The following ATRNL1 variants were observed in gnomAD, a reference collection of about 807,000 sequenced individuals.
ATRNL1 encodes attractin-like protein 1.
In ATRNL1, 95 loss-of-function variants were observed where a neutral mutation model predicts 182.7. That is an observed-to-expected ratio of 0.52 (90% CI 0.44 to 0.62). The LOEUF is 0.62. Among genes scored for constraint, ATRNL1 ranks in the 20% least tolerant of loss-of-function variants. ATRNL1 has a pLI of 0.00. For synonymous variants in ATRNL1, 576 were observed against 568.3 expected, an observed-to-expected ratio of 1.01 and a Z score of -0.19; for missense variants, 1,471 against 1,679.5, an observed-to-expected ratio of 0.88 and a Z score of 2.17.
chr10:115,787,916 A>G (rs554758475), intron 27 of ATRNL1, among the ~76,000 whole-genome samples: 1 of 152,334 alleles, frequency 6.6e-6, no homozygotes, highest in East Asian at 1.9e-4. Flanking sequence ...AAAAGGCAAT[A>G]TGATAGTAGA....
Position 115,790,970 on chromosome 10 carries a change from A to G in ATRNL1, c.3904-56907A>G, listed in dbSNP as rs528804414. Among the ~76,000 whole-genome samples the G allele has an allele frequency of 5.3e-5, 8 of 152,376 alleles. No homozygotes were observed. The South Asian group carries it at 1.7e-3, about 32-fold the overall frequency. On this transcript the variant is annotated intron_variant, in intron 27 of 28. Coordinates refer to ENST00000355044, the MANE Select transcript of ATRNL1 (RefSeq NM_207303.4). ...CTATATGATTTATGTGAGATAACCC[A>G]GAAGAGTCAGAGACATAAATAAAAA...
At chr10:115,361,367 G>C (rs572355240) in intron 19 of ATRNL1, among the ~76,000 whole-genome samples, 1 of 151,622 alleles carries the variant, frequency 6.6e-6, no homozygotes, top group Non-Finnish European at 1.5e-5. Flanking sequence ...TTATAGTTTC[G>C]GCATTTATCT....
intron 21 of ATRNL1, among the ~76,000 whole-genome samples, chr10:115,427,208 C>G (rs1845944366): frequency 6.6e-6 from 1 of 152,154 alleles, no homozygotes; most frequent in Non-Finnish European, 1.5e-5. Context: ...TTAATTTGCA[C>G]TTTCCTAATT....
At chr10:115,402,989 T>G (rs1428939807) in intron 20 of ATRNL1, among the ~76,000 whole-genome samples, 1 of 152,172 alleles carries the variant, frequency 6.6e-6, no homozygotes, top group African/African-American at 2.4e-5. Flanking sequence ...AGGAGGATCT[T>G]CCTGAACATT....
At chr10:115,740,834 A>G (rs1189570329) in intron 27 of ATRNL1, among the ~76,000 whole-genome samples, 1 of 15,700 alleles carries the variant, frequency 6.4e-5, no homozygotes, top group Non-Finnish European at 1.7e-3. Context: ...ACACACACAC[A>G]CACACACACA....
At position 115,944,916 on chromosome 10, in the gene ATRNL1, A is replaced by G. The variant is rs1448161152; in HGVS notation, c.*137A>G. The G allele has an allele frequency of 3.8e-6, 4 of 1,045,778 alleles. No individual in the cohort carries two copies. The highest frequency in any genetic ancestry group is 2.9e-5 in the Admixed American group (1 of 34,284). The allele number at this position is 1,045,778 out of a possible 1,614,324, so 64.8% of individuals were successfully genotyped here. On this transcript the variant is annotated 3_prime_UTR_variant, in exon 29 of 29. Coordinates refer to ENST00000355044, the MANE Select transcript of ATRNL1 (RefSeq NM_207303.4). ...GAGTACAGTTTCCTTCCAAATGGAC[A>G]ATGACCCAGGTGGCCAAAGAATGTT...
At chr10:115,736,659 C>G (rs568861776) in intron 27 of ATRNL1, among the ~76,000 whole-genome samples, 1 of 152,242 alleles carries the variant, frequency 6.6e-6, no homozygotes, top group South Asian at 2.1e-4. Flanking sequence ...TGCTTTCCTG[C>G]ATAGAGGATT....
chr10:115,897,869 C>T (rs1487072422), intron 28 of ATRNL1, among the ~76,000 whole-genome samples: 1 of 151,850 alleles, frequency 6.6e-6, no homozygotes, highest in Admixed American at 6.6e-5. Context: ...TCATGTTAGT[C>T]GTAACTTGCA....
intron 27 of ATRNL1, among the ~76,000 whole-genome samples, chr10:115,804,194 G>T (rs1555085112): frequency 6.6e-6 from 1 of 152,046 alleles, no homozygotes; most frequent in East Asian, 1.9e-4. Flanking sequence ...CTCCCTAATT[G>T]GGGCTCTTAA....
chr10:115,774,097 A>G (rs1375958196), intron 27 of ATRNL1, among the ~76,000 whole-genome samples: 1 of 152,120 alleles, frequency 6.6e-6, no homozygotes, highest in Non-Finnish European at 1.5e-5. Flanking sequence ...ATCCTAGAAT[A>G]ACCAATAATT....
intron 26 of ATRNL1, among the ~76,000 whole-genome samples, chr10:115,575,891 C>G (rs1312117007): frequency 6.6e-6 from 1 of 152,028 alleles, no homozygotes; most frequent in Non-Finnish European, 1.5e-5. Context: ...ATGAATATCT[C>G]TCCTTTTGCT....
intron 25 of ATRNL1, among the ~76,000 whole-genome samples, chr10:115,520,780 T>C (rs1554984976): frequency 7.9e-5 from 12 of 152,230 alleles, no homozygotes. Context: ...AAGTATTTTC[T>C]ACGGTTTACA....
At position 115,638,392 on chromosome 10, in the gene ATRNL1, A is replaced by G. The variant is rs576395693; in HGVS notation, c.3795+88856A>G. 4.1e-4 allele frequency among the ~76,000 whole-genome samples: 63 copies of G among 152,318 alleles called. No individual in the cohort carries two copies. In the South Asian group the frequency reaches 5.6e-3, roughly 14 times the overall value. On this transcript the variant is annotated intron_variant, in intron 26 of 28. Transcript: ENST00000355044. Reference sequence around the variant, plus strand: ...TCAAAATGTATCCCCGTCATTGAGTATCACATGGCTATATTAATATGTATA... The same window carrying G: ...TCAAAATGTATCCCCGTCATTGAGTGTCACATGGCTATATTAATATGTATA...
At chr10:115,356,648 TG>T (rs1463247640) in intron 19 of ATRNL1, among the ~76,000 whole-genome samples, 1 of 151,842 alleles carries the variant, frequency 6.6e-6, no homozygotes, top group African/African-American at 2.4e-5. Context: ...AAAGTTCCCC[TG>T]GGGAACTTTG....
At chr10:115,177,227 G>T (rs978791175) in intron 8 of ATRNL1, among the ~76,000 whole-genome samples, 2 of 152,132 alleles carry the variant, frequency 1.3e-5, no homozygotes, top group African/African-American at 4.8e-5. Context: ...GCAGTCATTG[G>T]TGATCTTGAC....
At chr10:115,248,725 T>C (rs1008884907) in intron 10 of ATRNL1, among the ~76,000 whole-genome samples, 2 of 152,042 alleles carry the variant, frequency 1.3e-5, no homozygotes, top group African/African-American at 4.8e-5. Context: ...CTAGAGTAAA[T>C]TGTGCTTATT....
At chr10:115,421,444 C>T (rs1845647060) in intron 20 of ATRNL1, among the ~76,000 whole-genome samples, 1 of 151,968 alleles carries the variant, frequency 6.6e-6, no homozygotes, top group Admixed American at 6.6e-5. Flanking sequence ...GGACAAAAAC[C>T]ATAGGATCAT....
intron 25 of ATRNL1, among the ~76,000 whole-genome samples, chr10:115,521,137 T>TG (rs1554985067): frequency 7.0e-5 from 9 of 128,760 alleles, no homozygotes; most frequent in East Asian, 5.9e-4. Context: ...TTAAAACAAC[T>TG]TTTGTTGTTG....
At chr10:115,574,886 G>A (rs1854617215) in intron 26 of ATRNL1, among the ~76,000 whole-genome samples, 1 of 152,102 alleles carries the variant, frequency 6.6e-6, no homozygotes. Context: ...ATTGCTAATA[G>A]ACAAATGTAA....
Sources: allele counts gnomAD v4.1 joint callset (sites outside exome capture counted in the v4.1 genomes callset), GRCh38; gene constraint gnomAD v4.1.1; transcripts MANE v1.5; gene names NCBI Gene and HGNC (gene_info 2026-07-23, HGNC 2026-07-21).